The following TMTC3 variants were observed in gnomAD, a reference collection of about 807,000 sequenced individuals.
TMTC3 encodes the protein transmembrane O-mannosyltransferase targeting cadherins 3.
TMTC3 carries 52 observed loss-of-function variants against 92.2 expected under a neutral mutation model. The ratio of observed to expected loss-of-function variants is 0.56; its 90% confidence interval spans 0.45 to 0.71. TMTC3 has a LOEUF of 0.71. Among genes scored for constraint, TMTC3 ranks in the 30% least tolerant of loss-of-function variants. The probability of loss-of-function intolerance (pLI) is 0.00; values close to 1 mark genes in which losing one functional copy is unlikely to be tolerated. For synonymous variants in TMTC3, 339 were observed against 363.3 expected, an observed-to-expected ratio of 0.93 and a Z score of 0.76; for missense variants, 896 against 1,057.1, an observed-to-expected ratio of 0.85 and a Z score of 2.11.
Position 88,195,457 on chromosome 12 carries a change from T to C in TMTC3, c.2553T>C (p.Gly851=). The C allele has an allele frequency of 6.2e-7, 1 of 1,612,968 alleles. No individual in the cohort carries two copies. The highest frequency in any genetic ancestry group is 8.5e-7 in the Non-Finnish European group (1 of 1,179,696). The change falls in exon 14 of 14, where the codon GGT becomes GGC. Residue 851 remains glycine (G), a synonymous_variant. Transcript: ENST00000266712. ...IPTESVKEIR[G]ESRQTQIVKT... Reference sequence around the variant, plus strand: ...CTGAAAGTGTAAAAGAAATTAGAGGTGAATCCAGACAAACACAAATAGTAA... The same window carrying C: ...CTGAAAGTGTAAAAGAAATTAGAGGCGAATCCAGACAAACACAAATAGTAA...
intron 4 of TMTC3, among the ~76,000 whole-genome samples, chr12:88,158,787 C>T (rs907817966): frequency 1.3e-5 from 2 of 152,074 alleles, no homozygotes; most frequent in African/African-American, 4.8e-5. Flanking sequence ...CACAGTGGCT[C>T]ACGCCTGTAA....
chr12:88,188,792 T>G (rs1234858258), intron 10 of TMTC3, 51 bp from the exon 11 acceptor site: 4 of 869,566 alleles, frequency 4.6e-6, no homozygotes, highest in Non-Finnish European at 7.3e-6. Flanking sequence ...TTGAGTATAT[T>G]GAATATATCA....
intron 4 of TMTC3, among the ~76,000 whole-genome samples, chr12:88,157,314 C>T (rs1592727095): frequency 6.6e-6 from 1 of 151,426 alleles, no homozygotes; most frequent in South Asian, 2.1e-4. Context: ...TCTTTGTATT[C>T]CCTATTGTAT....
intron 11 of TMTC3, 37 bp from the exon 12 acceptor site, chr12:88,190,416 A>ATT: frequency 1.3e-6 from 2 of 1,593,734 alleles, no homozygotes; most frequent in Non-Finnish European, 1.7e-6. Flanking sequence ...TTGATACTGA[A>ATT]ATATCAAATC....
chr12:88,188,874 A>G lies in TMTC3; in HGVS notation c.1464A>G (p.Arg488=). ...DDIGAHMNVG[R]TYKNLNRTKE... is the part of the protein sequence containing the mutation. ...TTGGTGCCCATATGAATGTAGGAAG[A>G]ACTTATAAAAATTTAAATAGAACCA... The change falls in exon 11 of 14, where the codon AGA becomes AGG. Residue 488 remains arginine, a synonymous_variant. Coordinates refer to ENST00000266712, the MANE Select transcript of TMTC3 (RefSeq NM_181783.4). 6.3e-7 allele frequency: 1 copy of G among 1,593,104 alleles called. No homozygotes were observed. The highest frequency in any genetic ancestry group is 8.5e-7 in the Non-Finnish European group (1 of 1,170,288).
At chr12:88,187,320 A>G (rs1024229960) in intron 10 of TMTC3, among the ~76,000 whole-genome samples, 4 of 152,178 alleles carry the variant, frequency 2.6e-5, no homozygotes, top group African/African-American at 4.8e-5. Context: ...TTTATATGCA[A>G]TTGGATAATA....
Position 88,170,757 on chromosome 12 carries a change from G to A in TMTC3, c.1051-1840G>A, listed in dbSNP as rs182887828. On this transcript the variant is annotated intron_variant, in intron 7 of 13. Coordinates refer to ENST00000266712, the MANE Select transcript of TMTC3 (RefSeq NM_181783.4). Reference sequence around the variant, plus strand: ...TCAATTAAGTACTGTAAAACAAATCGGGGTAACAAAATATGGAAGCAGATG... The same window carrying A: ...TCAATTAAGTACTGTAAAACAAATCAGGGTAACAAAATATGGAAGCAGATG... 1.6e-3 allele frequency among the ~76,000 whole-genome samples: 240 copies of A among 152,172 alleles called. 1 individual carries two copies. The highest frequency in any genetic ancestry group is 5.2e-3 in the African/African-American group (216 of 41,532).
At chr12:88,142,987 C>A (rs1432266463) in intron 1 of TMTC3, among the ~76,000 whole-genome samples, 1 of 152,124 alleles carries the variant, frequency 6.6e-6, no homozygotes, top group Non-Finnish European at 1.5e-5. Flanking sequence ...GGGTGCCCTT[C>A]CATGAAAGCG....
At chr12:88,170,663 G>C (rs1423561039) in intron 7 of TMTC3, among the ~76,000 whole-genome samples, 1 of 152,108 alleles carries the variant, frequency 6.6e-6, no homozygotes, top group Admixed American at 6.6e-5. Flanking sequence ...TAGAAAAAAA[G>C]GACATTCTTT....
intron 12 of TMTC3, 127 bp from the exon 13 acceptor site, chr12:88,192,477 T>G: frequency 1.7e-6 from 1 of 605,030 alleles, no homozygotes; most frequent in African/African-American, 2.0e-5. Flanking sequence ...CGAAAGAGAG[T>G]TTTTTAAGAG....
Position 88,174,591 on chromosome 12 carries a change from T to G in TMTC3, c.1200-16T>G, listed in dbSNP as rs2041239914. ...GAAGACAATTTTTTTTGTTTTGCTT[T>G]TTTTCTCTTAAACAGTGTATTTAAA... On this transcript the variant is annotated splice_polypyrimidine_tract_variant and intron_variant, in intron 8 of 13. Coordinates refer to ENST00000266712, the MANE Select transcript of TMTC3 (RefSeq NM_181783.4). 2 of 1,589,232 alleles carry G rather than the reference T, an allele frequency of 1.3e-6. No individual in the cohort carries two copies. The highest frequency in any genetic ancestry group is 1.7e-6 in the Non-Finnish European group (2 of 1,172,038).
At chr12:88,167,507 AT>A (rs1293845943) in intron 7 of TMTC3, among the ~76,000 whole-genome samples, 1 of 152,190 alleles carries the variant, frequency 6.6e-6, no homozygotes, top group Non-Finnish European at 1.5e-5. Context: ...CAGATACATA[AT>A]TTTTTGCTGT....
intron 10 of TMTC3, among the ~76,000 whole-genome samples, chr12:88,187,565 C>T (rs2041392308): frequency 6.6e-6 from 1 of 151,904 alleles, no homozygotes; most frequent in Non-Finnish European, 1.5e-5. Context: ...AGCAATACAT[C>T]TAAAAAGAAA....
intron 1 of TMTC3, among the ~76,000 whole-genome samples, chr12:88,147,742 G>A (rs1432981831): frequency 6.7e-6 from 1 of 149,724 alleles, no homozygotes; most frequent in African/African-American, 2.5e-5. Flanking sequence ...TTTTTGTTTT[G>A]TTTTGTTTCT....
At chr12:88,163,411 G>A (rs977340144) in intron 6 of TMTC3, among the ~76,000 whole-genome samples, 4 of 152,106 alleles carry the variant, frequency 2.6e-5, no homozygotes, top group African/African-American at 9.7e-5. Context: ...GCATTCAGGA[G>A]GTTTTTGCCT....
chr12:88,186,859 A>G (rs2041383506), intron 10 of TMTC3, among the ~76,000 whole-genome samples: 1 of 152,092 alleles, frequency 6.6e-6, no homozygotes, highest in Non-Finnish European at 1.5e-5. Flanking sequence ...TAGGGCTGCT[A>G]TACTCTAGTG....
At chr12:88,146,611 G>GTGTATATA (rs755721380) in intron 1 of TMTC3, among the ~76,000 whole-genome samples, 24 of 147,876 alleles carry the variant, frequency 1.6e-4, no homozygotes, top group South Asian at 2.1e-4. Flanking sequence ...GTGTGTGTGT[G>GTGTATATA]TATATATATA....
At chr12:88,155,337 A>G (rs1307962195) in intron 4 of TMTC3, among the ~76,000 whole-genome samples, 1 of 152,204 alleles carries the variant, frequency 6.6e-6, no homozygotes, top group African/African-American at 2.4e-5. Flanking sequence ...TGTGCAGTGC[A>G]TCATGTAGTA....
rs543288435 is a variant in TMTC3, at chr12:88,166,640, A to C, written c.1050+58A>C. Reference sequence around the variant, plus strand: ...TAACATTCAGTTGAATAAGTAAGAAACTACCTTTAATTCAGCAAAAGCATC... The same window carrying C: ...TAACATTCAGTTGAATAAGTAAGAACCTACCTTTAATTCAGCAAAAGCATC... On this transcript the variant is annotated intron_variant, in intron 7 of 13. Coordinates refer to ENST00000266712, the MANE Select transcript of TMTC3 (RefSeq NM_181783.4). 3.3e-6 allele frequency: 5 copies of C among 1,530,218 alleles called. No individual in the cohort carries two copies. The South Asian group carries it at 6.5e-5, about 20-fold the overall frequency. The allele number at this position is 1,530,218 out of a possible 1,614,324, so 94.8% of individuals were successfully genotyped here.
Sources: allele counts gnomAD v4.1 joint callset (sites outside exome capture counted in the v4.1 genomes callset), GRCh38; gene constraint gnomAD v4.1.1; transcripts MANE v1.5; gene names NCBI Gene and HGNC (gene_info 2026-07-23, HGNC 2026-07-21).